HIVEP2: variants seen among roughly 807,000 people sequenced by gnomAD.
The protein encoded by HIVEP2 is transcription factor HIVEP2.
HIVEP2 carries 14 observed loss-of-function variants against 180.7 expected under a neutral mutation model. The ratio of observed to expected loss-of-function variants is 0.08; its 90% CI spans 0.05 to 0.12. The LOEUF (loss-of-function observed/expected upper bound fraction) is 0.12, where lower values mean the gene tolerates loss of function less well. Among genes scored for constraint, HIVEP2 ranks in the 10% least tolerant of loss-of-function variants. The pLI is 1.00. For synonymous variants in HIVEP2, 1,184 were observed against 1,136.4 expected (o/e 1.04, Z -0.84); for missense variants, 2,579 against 3,008.5 (o/e 0.86, Z 3.34).
intron 2 of HIVEP2, among the ~76,000 whole-genome samples, chr6:142,786,870 A>G (rs538197084): frequency 6.6e-6 from 1 of 152,230 alleles, no homozygotes; most frequent in Admixed American, 6.5e-5. Flanking sequence ...ACCTCCCATC[A>G]CCCTTGTTTT....
In HIVEP2 at chr6:142,943,199, C is replaced by A. The variant is rs1001563375; in HGVS notation, c.-641+1900G>T. On this transcript the variant is annotated intron_variant, in intron 1 of 9. Coordinates refer to ENST00000367603, the MANE Select transcript of HIVEP2 (RefSeq NM_006734.4). This position sits in a 1 kb window ranked among gnomAD's most constrained non-coding sequence, Gnocchi z 4.5. ...TTCTGATAAACCATTTGGCCTATATCCTAAAAATCAAACCCAATCTACTCA... is the reference window on the plus strand; with the variant it reads ...TTCTGATAAACCATTTGGCCTATATACTAAAAATCAAACCCAATCTACTCA... 2.6e-5 allele frequency among the ~76,000 whole-genome samples: 4 copies of A among 152,102 alleles called. No homozygotes were observed. Among genetic ancestry groups the A allele is most frequent in the Admixed American group, 2.6e-4 (4 of 15,270 alleles).
chr6:142,858,311 A>G (rs953652636), intron 1 of HIVEP2, among the ~76,000 whole-genome samples: 2 of 151,750 alleles, frequency 1.3e-5, no homozygotes, highest in Admixed American at 6.6e-5. Context: ...CCCCTCTGCA[A>G]ATGTCACCTC....
intron 1 of HIVEP2, among the ~76,000 whole-genome samples, chr6:142,845,355 A>C (rs536318238): frequency 6.6e-6 from 1 of 152,298 alleles, no homozygotes; most frequent in South Asian, 2.1e-4. Context: ...TTGGAATTGA[A>C]GTGGCTCTTC....
At chr6:142,929,666 A>T (rs964917584) in intron 1 of HIVEP2, among the ~76,000 whole-genome samples, 4 of 152,206 alleles carry the variant, frequency 2.6e-5, no homozygotes, top group Admixed American at 1.3e-4. Context: ...ACCTAAGAAG[A>T]TATATTATTT....
At chr6:142,873,482 T>C (rs1039114005) in intron 1 of HIVEP2, among the ~76,000 whole-genome samples, 3 of 152,214 alleles carry the variant, frequency 2.0e-5, no homozygotes, top group Non-Finnish European at 4.4e-5. Context: ...CAGGCTTACA[T>C]ATACGAAGTG....
chr6:142,868,594 G>A (rs1320314246), intron 1 of HIVEP2, among the ~76,000 whole-genome samples: 1 of 152,078 alleles, frequency 6.6e-6, no homozygotes, highest in African/African-American at 2.4e-5. Context: ...AAACTTTTCA[G>A]TATGTGCATG....
chr6:142,858,399 C>T (rs916357857), intron 1 of HIVEP2, among the ~76,000 whole-genome samples: 2 of 151,940 alleles, frequency 1.3e-5, no homozygotes, highest in African/African-American at 2.4e-5. Flanking sequence ...ATCTGTCTCC[C>T]ACACTGAATA....
intron 1 of HIVEP2, among the ~76,000 whole-genome samples, chr6:142,908,841 A>G (rs1777331302): frequency 7.1e-6 from 1 of 141,732 alleles, no homozygotes; most frequent in Non-Finnish European, 1.5e-5. Context: ...CCACTCTGTA[A>G]GATACCACCT....
intron 1 of HIVEP2, among the ~76,000 whole-genome samples, chr6:142,899,684 C>T (rs1777084047): frequency 6.6e-6 from 1 of 152,144 alleles, no homozygotes; most frequent in Non-Finnish European, 1.5e-5. Flanking sequence ...GAGTGCAGCT[C>T]AAAGTGTAAG....
chr6:142,911,128 C>A (rs1291348818), intron 1 of HIVEP2, among the ~76,000 whole-genome samples: 2 of 122,076 alleles, frequency 1.6e-5, no homozygotes, highest in Admixed American at 8.7e-5. Context: ...GAAGACAAAG[C>A]ACAAACACAT....
At chr6:142,787,436 A>G (rs1776028619) in intron 2 of HIVEP2, among the ~76,000 whole-genome samples, 1 of 152,134 alleles carries the variant, frequency 6.6e-6, no homozygotes, top group South Asian at 2.1e-4. Flanking sequence ...CTTTACTCTT[A>G]TAGTAGGGAA....
At chr6:142,861,716 C>A (rs1775983562) in intron 1 of HIVEP2, among the ~76,000 whole-genome samples, 1 of 152,146 alleles carries the variant, frequency 6.6e-6, no homozygotes, top group African/African-American at 2.4e-5. Flanking sequence ...TTAATGTCAT[C>A]TAAGTTCAAA....
chr6:142,916,122 C>T (rs901857426), intron 1 of HIVEP2, among the ~76,000 whole-genome samples: 1 of 152,190 alleles, frequency 6.6e-6, no homozygotes, highest in African/African-American at 2.4e-5. Flanking sequence ...TCTCTGGTCT[C>T]CACCTCTACC....
intron 1 of HIVEP2, among the ~76,000 whole-genome samples, chr6:142,847,550 C>T (rs1429048752): frequency 3.3e-5 from 5 of 152,298 alleles, no homozygotes; most frequent in African/African-American, 1.2e-4. Flanking sequence ...GGGCAATTAA[C>T]ACTTAGCAGG....
chr6:142,927,489 T>A (rs1163085565), intron 1 of HIVEP2, among the ~76,000 whole-genome samples: 1 of 152,172 alleles, frequency 6.6e-6, no homozygotes, highest in African/African-American at 2.4e-5. Context: ...AGAGCTCCAG[T>A]AAGGTGAAAG....
At chr6:142,839,570 A>T (rs1775311506) in intron 1 of HIVEP2, among the ~76,000 whole-genome samples, 2 of 152,134 alleles carry the variant, frequency 1.3e-5, no homozygotes, top group South Asian at 4.1e-4. Flanking sequence ...AATAAATCAG[A>T]TGTACACACA....
intron 2 of HIVEP2, chr6:142,788,393 A>G (rs1275841720): frequency 6.6e-6 from 1 of 152,186 alleles, no homozygotes; most frequent in East Asian, 1.9e-4. Flanking sequence ...CAATACAGAA[A>G]AAGAAAAGAC....
chr6:142,779,270 G>A (rs1282482495), intron 3 of HIVEP2, among the ~76,000 whole-genome samples: 2 of 152,034 alleles, frequency 1.3e-5, no homozygotes, highest in Non-Finnish European at 2.9e-5. Flanking sequence ...TGAAAATCAG[G>A]TATGTATCAT....
chr6:142,834,318 T>C (rs1775169994), intron 2 of HIVEP2, among the ~76,000 whole-genome samples: 1 of 152,186 alleles, frequency 6.6e-6, no homozygotes, highest in Non-Finnish European at 1.5e-5. Context: ...ATTTTGGACT[T>C]CCTAATTTAA....
Sources: gnomAD v4.1 joint callset for allele counts (sites outside exome capture counted in the v4.1 genomes callset) on GRCh38, gnomAD v4.1.1 for gene constraint, Gnocchi (gnomAD v3.1) non-coding constraint, MANE v1.5 for transcripts, NCBI Gene and HGNC (gene_info 2026-07-23, HGNC 2026-07-21) for gene names.